COP1: variants seen among roughly 807,000 people sequenced by gnomAD.
COP1 encodes E3 ubiquitin-protein ligase COP1.
Under a neutral mutation model 101.3 loss-of-function variants are expected in COP1, and 24 were observed. The ratio of observed to expected loss-of-function variants is 0.24; its 90% CI spans 0.17 to 0.33. The LOEUF is 0.33. Among genes scored for constraint, COP1 ranks in the 10% least tolerant of loss-of-function variants. The pLI is 1.00. For synonymous variants in COP1, 347 were observed against 341.9 expected (o/e 1.01, Z -0.17); for missense variants, 663 against 906.2 (o/e 0.73, Z 3.45).
At chr1:176,087,529 G>T (rs184331907) in intron 9 of COP1, among the ~76,000 whole-genome samples, 1 of 152,204 alleles carries the variant, frequency 6.6e-6, no homozygotes, top group Admixed American at 6.5e-5. Context: ...GGCCATCAGA[G>T]AAATGCAAAT....
intron 5 of COP1, among the ~76,000 whole-genome samples, chr1:176,162,033 T>TA (rs1426492417): frequency 3.9e-5 from 6 of 152,122 alleles, no homozygotes; most frequent in Non-Finnish European, 5.9e-5. Flanking sequence ...CACCATGTGA[T>TA]AAAAAAGTCT....
rs576092030 is a variant in COP1, at chr1:175,974,152, A to C, written c.2133+12791T>G. Among the ~76,000 whole-genome samples, 8 of 152,230 alleles carry C rather than the reference A, an allele frequency of 5.3e-5. No homozygotes were observed. The South Asian group carries it at 1.2e-3, about 24-fold the overall frequency. ...AGAAGTAATGGCAGGACATAAACTA[A>C]ACTAAATGGCAGGAGCTTGAACTAA... On this transcript the variant is annotated intron_variant, in intron 18 of 19. Transcript: ENST00000367669.
At chr1:176,077,990 T>C (rs961645344) in intron 11 of COP1, among the ~76,000 whole-genome samples, 1 of 151,974 alleles carries the variant, frequency 6.6e-6, no homozygotes, top group Non-Finnish European at 1.5e-5. Context: ...CTGAAAGAAA[T>C]CGAAGATGAC....
At chr1:176,021,199 T>C (rs957309421) in intron 15 of COP1, among the ~76,000 whole-genome samples, 1 of 152,226 alleles carries the variant, frequency 6.6e-6, no homozygotes, top group East Asian at 1.9e-4. Context: ...GGCATATTTA[T>C]GGTTGTGTTT....
At chr1:176,177,866 T>C (rs533499383) in intron 2 of COP1, among the ~76,000 whole-genome samples, 3 of 152,362 alleles carry the variant, frequency 2.0e-5, no homozygotes, top group East Asian at 3.8e-4. Context: ...CATTTGTTAC[T>C]TTCAAGATAA....
intron 11 of COP1, among the ~76,000 whole-genome samples, chr1:176,073,727 T>C (rs563455562): frequency 6.6e-6 from 1 of 152,280 alleles, no homozygotes; most frequent in African/African-American, 2.4e-5. Flanking sequence ...AGTAAACAAA[T>C]GCTGCCACCT....
At chr1:176,196,613 A>G (rs1051132419) in intron 1 of COP1, among the ~76,000 whole-genome samples, 1 of 152,226 alleles carries the variant, frequency 6.6e-6, no homozygotes, top group Non-Finnish European at 1.5e-5. Context: ...GGAAGGAGTG[A>G]AATCATACAA....
At chr1:176,086,710 A>G (rs1467289622) in intron 9 of COP1, among the ~76,000 whole-genome samples, 1 of 152,200 alleles carries the variant, frequency 6.6e-6, no homozygotes, top group Non-Finnish European at 1.5e-5. Context: ...ATTCAATGCC[A>G]TCCCCATCAA....
At chr1:176,008,495 AT>A (rs1364578140) in intron 15 of COP1, among the ~76,000 whole-genome samples, 1 of 152,186 alleles carries the variant, frequency 6.6e-6, no homozygotes, top group Non-Finnish European at 1.5e-5. Context: ...TCTCTATTTG[AT>A]AAAGTATATT....
At chr1:175,996,490 T>G (rs1476038302) in intron 15 of COP1, among the ~76,000 whole-genome samples, 1 of 152,030 alleles carries the variant, frequency 6.6e-6, no homozygotes, top group Non-Finnish European at 1.5e-5. Flanking sequence ...ATTGTATATC[T>G]AGAAAACCCC....
Position 175,950,403 on chromosome 1 carries a change from A to AT in COP1, c.2134-3165dup, listed in dbSNP as rs560313783. 1.4e-3 allele frequency among the ~76,000 whole-genome samples: 214 copies of AT among 149,670 alleles called. 1 individual carries two copies. Among genetic ancestry groups the AT allele is most frequent in the African/African-American group, 3.7e-3 (153 of 40,944 alleles). On this transcript the variant is annotated intron_variant, in intron 18 of 19. Coordinates refer to ENST00000367669, the MANE Select transcript of COP1 (RefSeq NM_022457.7). ...GCTAGATATTGGCTTAAGATAAATT[A>AT]TTTTTTTTTTGCATGCAACAGAAAA...
At chr1:176,202,320 G>A (rs1375200097) in intron 1 of COP1, among the ~76,000 whole-genome samples, 1 of 151,352 alleles carries the variant, frequency 6.6e-6, no homozygotes, top group African/African-American at 2.4e-5. Flanking sequence ...TTCTTGAGTA[G>A]CTGGGACTAC....
At chr1:176,060,155 T>C (rs897985391) in intron 11 of COP1, among the ~76,000 whole-genome samples, 1 of 152,326 alleles carries the variant, frequency 6.6e-6, no homozygotes, top group East Asian at 1.9e-4. Flanking sequence ...CTCAAGATCT[T>C]GCTTTAAAAC....
chr1:176,093,692 T>C (rs1015854824), intron 9 of COP1, among the ~76,000 whole-genome samples: 2 of 151,960 alleles, frequency 1.3e-5, no homozygotes, highest in African/African-American at 4.8e-5. Context: ...AAAAAAAAAT[T>C]AGCCAAATGT....
Position 175,945,674 on chromosome 1 carries a change from G to A in COP1, c.2179-504C>T, listed in dbSNP as rs376011617. Among the ~76,000 whole-genome samples the A allele has an allele frequency of 5.7e-4, 87 of 152,272 alleles. No individual in the cohort carries two copies. The South Asian group carries it at 0.017, about 30-fold the overall frequency. ...ACTTTGTATTTTTAGAATTAAAGTA[G>A]TATACTGTCATAAAAAAGTAAGTTG... On this transcript the variant is annotated intron_variant, in intron 19 of 19. Transcript: ENST00000367669.
intron 1 of COP1, among the ~76,000 whole-genome samples, chr1:176,204,527 C>A (rs1369117174): frequency 6.6e-6 from 1 of 152,168 alleles, no homozygotes; most frequent in Non-Finnish European, 1.5e-5. Context: ...TGGACAAAAT[C>A]AAACCTGGCT....
rs188612415 is a variant in COP1 at position 176,132,036 on chromosome 1, C to T, written c.968+2974G>A. Among the ~76,000 whole-genome samples the T allele has an allele frequency of 4.2e-4, 63 of 151,536 alleles. No individual in the cohort carries two copies. In the East Asian group the frequency reaches 0.011, roughly 27 times the overall value. ...CTAGTATGTTTTACGAGATCTGCTA[C>T]TTTATTTTACAATACAACCACTCTT... is the stretch of plus-strand genomic sequence containing the variant. On this transcript the variant is annotated intron_variant, in intron 8 of 19. Coordinates refer to ENST00000367669, the MANE Select transcript of COP1 (RefSeq NM_022457.7).
intron 5 of COP1, among the ~76,000 whole-genome samples, chr1:176,162,449 T>G (rs1318855770): frequency 1.3e-5 from 2 of 152,182 alleles, no homozygotes; most frequent in Non-Finnish European, 2.9e-5. Flanking sequence ...TGCCATAGAC[T>G]ACTACTGCTA....
intron 11 of COP1, among the ~76,000 whole-genome samples, chr1:176,058,288 C>G (rs1301491064): frequency 6.6e-6 from 1 of 152,036 alleles, no homozygotes; most frequent in South Asian, 2.1e-4. Flanking sequence ...TCATTGAGAA[C>G]GGGCCATGAT....
Sources: allele counts gnomAD v4.1 joint callset (sites outside exome capture counted in the v4.1 genomes callset), GRCh38; gene constraint gnomAD v4.1.1; transcripts MANE v1.5; gene names NCBI Gene and HGNC (gene_info 2026-07-23, HGNC 2026-07-21).